GRIN2D: variants seen among roughly 807,000 people sequenced by gnomAD.
GRIN2D encodes the protein glutamate ionotropic receptor NMDA type subunit 2D, also known as glutamate receptor ionotropic, NMDA 2D.
Under a neutral mutation model 103.2 loss-of-function variants are expected in GRIN2D, and 37 were observed. That is an observed-to-expected ratio of 0.36 (90% confidence interval 0.28 to 0.47). GRIN2D has a LOEUF of 0.47. Among genes scored for constraint, GRIN2D ranks in the 20% least tolerant of loss-of-function variants. The probability of loss-of-function intolerance (pLI) is 1.00; values close to 1 mark genes in which losing one functional copy is unlikely to be tolerated. For missense variants in GRIN2D, 1,557 were observed against 1,910.6 expected, an observed-to-expected ratio of 0.81 and a Z score of 3.45; for synonymous variants, 845 against 885.6, an observed-to-expected ratio of 0.95 and a Z score of 0.81.
Position 48,421,878 on chromosome 19 carries a change from A to G in GRIN2D, c.2185A>G (p.Met729Val). 6.2e-7 allele frequency: 1 copy of G among 1,614,094 alleles called. No homozygotes were observed. The highest frequency in any genetic ancestry group is 8.5e-7 in the Non-Finnish European group (1 of 1,179,996). Residue 729 changes from methionine (M) to valine (V), a missense_variant, in exon 11 of 14, where the codon ATG (methionine) becomes GTG (valine). Transcript: ENST00000263269. The surrounding 1 kb of genome is among the most constrained non-coding windows in gnomAD (Gnocchi z 4.8). ...EKNIRSNYPDMHSYMVRYNQP... is the reference protein window; with the variant it reads ...EKNIRSNYPDVHSYMVRYNQP... ...GAACATCCGCAGCAACTATCCCGAC[A>G]TGCACAGCTACATGGTGCGCTACAA... is the stretch of plus-strand genomic sequence containing the variant.
At chr19:48,412,323 T>C (rs1213051109) in intron 4 of GRIN2D, among the ~76,000 whole-genome samples, 2 of 146,632 alleles carry the variant, frequency 1.4e-5, no homozygotes, top group African/African-American at 5.1e-5. Flanking sequence ...AGCGAGACTC[T>C]GTCTCAAAAA....
At position 48,408,100 on chromosome 19, in the gene GRIN2D, C is replaced by T. The variant is rs1002379694; in HGVS notation, c.1085+2747C>T. ...CTGTAATCCCAGCACTTTGGGAGGC[C>T]GAGGCGGGCGGATCACAAGGTCAGG... On this transcript the variant is annotated intron_variant, in intron 4 of 13. Coordinates refer to ENST00000263269, the MANE Select transcript of GRIN2D (RefSeq NM_000836.4). Among the ~76,000 whole-genome samples, 22 of 151,490 alleles carry T rather than the reference C, an allele frequency of 1.5e-4. No homozygotes were observed. In the East Asian group the frequency reaches 1.8e-3, roughly 12 times the overall value.
rs936566931 is a variant in GRIN2D at position 48,421,243 on chromosome 19, A to G, written c.2092-542A>G. Among the ~76,000 whole-genome samples the G allele has an allele frequency of 6.6e-6, 1 of 152,112 alleles. No homozygotes were observed. The highest frequency in any genetic ancestry group is 1.5e-5 in the Non-Finnish European group (1 of 68,018). On this transcript the variant is annotated intron_variant, in intron 10 of 13. Coordinates refer to ENST00000263269, the MANE Select transcript of GRIN2D (RefSeq NM_000836.4). This position sits in a 1 kb window ranked among gnomAD's most constrained non-coding sequence, Gnocchi z 4.8. ...TGGTAGTTCGAGACCAGCCTGACCA[A>G]CATGGAGAAACCCCATCTCTACTAA...
rs1233610142 is a variant in GRIN2D at position 48,444,023 on chromosome 19, T to C, written c.*86T>C. On this transcript the variant is annotated 3_prime_UTR_variant, in exon 14 of 14. Transcript: ENST00000263269. This position sits in a 1 kb window ranked among gnomAD's most constrained non-coding sequence, Gnocchi z 5.5. Reference sequence around the variant, plus strand: ...CCGCAGTGGACAGGACCCGCGTGGGTTGGGAAGGAAAGCAGTGGAACTGGC... The same window carrying C: ...CCGCAGTGGACAGGACCCGCGTGGGCTGGGAAGGAAAGCAGTGGAACTGGC... 1.7e-5 allele frequency: 16 copies of C among 924,948 alleles called. No individual in the cohort carries two copies. Among genetic ancestry groups the C allele is most frequent in the South Asian group, 2.4e-5 (1 of 40,882 alleles). 57.3% of individuals were successfully genotyped at this position (924,948 alleles called of 1,614,324 possible).
intron 3 of GRIN2D, among the ~76,000 whole-genome samples, chr19:48,402,607 C>A (rs977751029): frequency 4.0e-5 from 6 of 150,372 alleles, no homozygotes; most frequent in African/African-American, 1.5e-4. Context: ...GTCCCAGCTA[C>A]TCGGGAGGCT....
At chr19:48,430,798 T>C (rs956957621) in intron 11 of GRIN2D, among the ~76,000 whole-genome samples, 1 of 151,468 alleles carries the variant, frequency 6.6e-6, no homozygotes, top group Non-Finnish European at 1.5e-5. Context: ...TCAGATACTC[T>C]GTTAATTTCT....
In GRIN2D at chr19:48,414,170, G is replaced by A. The variant is rs546500633; in HGVS notation, c.1200+65G>A. On this transcript the variant is annotated intron_variant, in intron 5 of 13. Coordinates refer to ENST00000263269, the MANE Select transcript of GRIN2D (RefSeq NM_000836.4). The surrounding 1 kb of genome is among the most constrained non-coding windows in gnomAD (Gnocchi z 4.6). ...TGGACTCCTGCATCCTGGCAGAGGG[G>A]GGGCTTGAGGTCGTGGACTAAGAGG... 6.6e-6 allele frequency: 7 copies of A among 1,053,980 alleles called. No homozygotes were observed. The East Asian group carries it at 9.7e-5, about 15-fold the overall frequency. The allele number at this position is 1,053,980 out of a possible 1,614,324, so 65.3% of individuals were successfully genotyped here.
chr19:48,434,358 A>C (rs1246298512), intron 11 of GRIN2D, among the ~76,000 whole-genome samples: 1 of 152,008 alleles, frequency 6.6e-6, no homozygotes, highest in Non-Finnish European at 1.5e-5. Context: ...GGATCAAGTG[A>C]TTCTCCTGCC....
At position 48,443,554 on chromosome 19, in the gene GRIN2D, C is replaced by T. The variant is rs773824115; in HGVS notation, c.3628C>T (p.Pro1210Ser). 742 of 1,263,932 alleles carry T rather than the reference C, an allele frequency of 5.9e-4. 1 individual carries two copies. The highest frequency in any genetic ancestry group is 7.2e-4 in the Non-Finnish European group (719 of 1,005,408). 78.3% of individuals were successfully genotyped at this position (1,263,932 alleles called of 1,614,324 possible). ...DGLDGGWWAP[P>S]PPPWAAGPLP... ...CCTGGACGGCGGCTGGTGGGCGCCA[C>T]CGCCTCCACCCTGGGCCGCCGGGCC... Residue 1210 changes from proline (P) to serine (S), a missense_variant, in exon 14 of 14, where the codon CCG (proline) becomes TCG (serine). Pro to Ser is a moderately conservative substitution (Grantham distance 74). This residue lies in a region of GRIN2D where 632 missense variants were observed against 572.8 expected (regional missense o/e 1.10). Coordinates refer to ENST00000263269, the MANE Select transcript of GRIN2D (RefSeq NM_000836.4). This position sits in a 1 kb window ranked among gnomAD's most constrained non-coding sequence, Gnocchi z 8.9.
At chr19:48,439,058 G>A (rs1054606619) in intron 11 of GRIN2D, among the ~76,000 whole-genome samples, 1 of 150,848 alleles carries the variant, frequency 6.6e-6, no homozygotes, top group African/African-American at 2.4e-5. Flanking sequence ...GGGATTACAG[G>A]CATGAGCCAT....
chr19:48,413,868 G>T, intron 4 of GRIN2D, 123 bp from the exon 5 acceptor site: 2 of 663,548 alleles, frequency 3.0e-6, no homozygotes, highest in Non-Finnish European at 5.5e-6. Context: ...GACCTTGGAG[G>T]TAAAAGAAGA....
At chr19:48,399,375 C>T (rs577853075) in intron 3 of GRIN2D, among the ~76,000 whole-genome samples, 75 of 152,300 alleles carry the variant, frequency 4.9e-4, no homozygotes, top group African/African-American at 1.6e-3. Flanking sequence ...TGAGACCAGC[C>T]TGGCCAACAT....
intron 11 of GRIN2D, among the ~76,000 whole-genome samples, chr19:48,441,109 A>C (rs1971285872): frequency 6.6e-6 from 1 of 152,138 alleles, no homozygotes; most frequent in Non-Finnish European, 1.5e-5. Flanking sequence ...TCACGCCTGT[A>C]ATCTCAGCAC....
intron 11 of GRIN2D, among the ~76,000 whole-genome samples, chr19:48,438,226 G>C (rs947003780): frequency 1.4e-5 from 2 of 146,524 alleles, no homozygotes; most frequent in African/African-American, 5.0e-5. Context: ...CTCAAGACTA[G>C]AGGTTAAGTA....
At position 48,405,828 on chromosome 19, in the gene GRIN2D, T is replaced by C. The variant is rs1011177108; in HGVS notation, c.1085+475T>C. ...CACGTAACAACCCTGATAAGGAGAC[T>C]GCTGTTCCATGTGATCATTCAGGGA... On this transcript the variant is annotated intron_variant, in intron 4 of 13. Coordinates refer to ENST00000263269, the MANE Select transcript of GRIN2D (RefSeq NM_000836.4). This position sits in a 1 kb window ranked among gnomAD's most constrained non-coding sequence, Gnocchi z 5.1. 2.0e-5 allele frequency among the ~76,000 whole-genome samples: 3 copies of C among 152,214 alleles called. No homozygotes were observed. The highest frequency in any genetic ancestry group is 7.2e-5 in the African/African-American group (3 of 41,456).
chr19:48,415,100 G>A, intron 7 of GRIN2D, 68 bp downstream of exon 7: 1 of 1,388,844 alleles, frequency 7.2e-7, no homozygotes, highest in South Asian at 1.3e-5. Flanking sequence ...GCCGGGCGTG[G>A]TGGCTCACGC....
intron 11 of GRIN2D, among the ~76,000 whole-genome samples, 176 bp from the exon 12 acceptor site, chr19:48,441,593 C>T (rs1170582266): frequency 6.6e-6 from 1 of 152,186 alleles, no homozygotes; most frequent in East Asian, 1.9e-4. Flanking sequence ...ATACTGCTGC[C>T]ATGCCCATTT....
Position 48,444,026 on chromosome 19 carries a change from G to A in GRIN2D, c.*89G>A, listed in dbSNP as rs1302122499. The A allele has an allele frequency of 1.1e-6, 1 of 906,004 alleles. No individual in the cohort carries two copies. Among genetic ancestry groups the A allele is most frequent in the South Asian group, 2.5e-5 (1 of 40,742 alleles). 56.1% of individuals were successfully genotyped at this position (906,004 alleles called of 1,614,324 possible). ...CAGTGGACAGGACCCGCGTGGGTTG[G>A]GAAGGAAAGCAGTGGAACTGGCCGG... On this transcript the variant is annotated 3_prime_UTR_variant, in exon 14 of 14. Coordinates refer to ENST00000263269, the MANE Select transcript of GRIN2D (RefSeq NM_000836.4). The surrounding 1 kb of genome is among the most constrained non-coding windows in gnomAD (Gnocchi z 5.5).
chr19:48,402,804 G>GAGAA (rs907040953), intron 3 of GRIN2D, among the ~76,000 whole-genome samples: 1 of 141,426 alleles, frequency 7.1e-6, no homozygotes, highest in Non-Finnish European at 1.5e-5. Context: ...GAGAGAGAGA[G>GAGAA]AATAGGGAAC....
Sources: allele counts gnomAD v4.1 joint callset (sites outside exome capture counted in the v4.1 genomes callset), GRCh38; gene constraint gnomAD v4.1.1; regional missense constraint gnomAD v4.1.1; non-coding constraint Gnocchi (gnomAD v3.1); transcripts MANE v1.5; gene names NCBI Gene and HGNC (gene_info 2026-07-23, HGNC 2026-07-21).